FANCC: variants seen among roughly 807,000 people sequenced by gnomAD.
FANCC encodes FA complementation group C, also known as Fanconi anemia group C protein.
Under a neutral mutation model 71.3 loss-of-function variants are expected in FANCC, and 55 were observed. The ratio of observed to expected loss-of-function variants is 0.77; its 90% CI spans 0.62 to 0.97. The LOEUF is 0.97. FANCC is among the 50% of genes least tolerant of loss of function. The pLI is 0.00. For synonymous variants in FANCC, 275 were observed against 244.9 expected, an observed-to-expected ratio of 1.12 and a Z score of -1.15; for missense variants, 678 against 670.9, an observed-to-expected ratio of 1.01 and a Z score of -0.12.
chr9:95,166,003 CTCT>C (rs1287033233), intron 6 of FANCC, among the ~76,000 whole-genome samples: 2 of 152,020 alleles, frequency 1.3e-5, no homozygotes, highest in African/African-American at 4.8e-5. Flanking sequence ...TGAATTGACA[CTCT>C]TATTATTATA....
chr9:95,226,344 G>A (rs1352814044), intron 4 of FANCC, among the ~76,000 whole-genome samples: 1 of 152,148 alleles, frequency 6.6e-6, no homozygotes, highest in African/African-American at 2.4e-5. Context: ...ATAATAGACA[G>A]GGGGTGAAAA....
intron 10 of FANCC, among the ~76,000 whole-genome samples, chr9:95,121,682 A>G (rs1316353658): frequency 1.3e-5 from 2 of 152,208 alleles, no homozygotes; most frequent in African/African-American, 4.8e-5. Context: ...GGCAACGTCA[A>G]GAAGTCTCTG....
Position 95,249,310 on chromosome 9 carries a change from G to GTGATA in FANCC, c.-20_-19insTATCA. ...GAGCCATCTTGGAAAAAGCGAAAAG[G>GTGATA]TGATGTCCCTTCACAGCAGCCTGTC... On this transcript the variant is annotated 5_prime_UTR_variant, in exon 2 of 15. Coordinates refer to ENST00000289081, the MANE Select transcript of FANCC (RefSeq NM_000136.3). 1 of 1,613,534 alleles carries GTGATA rather than the reference G, an allele frequency of 6.2e-7. No individual in the cohort carries two copies. Among genetic ancestry groups the GTGATA allele is most frequent in the Non-Finnish European group, 8.5e-7 (1 of 1,179,752 alleles).
At chr9:95,313,436 G>A (rs545442148) in intron 1 of FANCC, among the ~76,000 whole-genome samples, 7 of 152,252 alleles carry the variant, frequency 4.6e-5, no homozygotes, top group Middle Eastern at 3.2e-3. Flanking sequence ...AACCTTCACC[G>A]GAGAAGTCAC....
chr9:95,187,203 G>A (rs544821573), intron 4 of FANCC, among the ~76,000 whole-genome samples: 9 of 152,292 alleles, frequency 5.9e-5, no homozygotes, highest in South Asian at 2.1e-4. Flanking sequence ...CGAGCGTTAC[G>A]CACTCCCAGC....
At chr9:95,189,583 A>G (rs1055763316) in intron 4 of FANCC, among the ~76,000 whole-genome samples, 4 of 152,220 alleles carry the variant, frequency 2.6e-5, no homozygotes, top group Non-Finnish European at 4.4e-5. Context: ...GCTTTAGAAA[A>G]TAAGCCTGAA....
intron 4 of FANCC, among the ~76,000 whole-genome samples, chr9:95,200,790 A>G (rs1430193091): frequency 6.6e-6 from 1 of 152,200 alleles, no homozygotes; most frequent in African/African-American, 2.4e-5. Flanking sequence ...TATGCATATA[A>G]CAAGCGGATG....
At chr9:95,149,794 T>C (rs1396232998) in intron 7 of FANCC, 129 bp downstream of exon 7, 16 of 1,090,454 alleles carry the variant, frequency 1.5e-5, no homozygotes, top group Admixed American at 1.0e-4. Context: ...ACTCAGTAAT[T>C]TTTAAGAGTA....
chr9:95,285,685 A>G (rs1209623694), intron 1 of FANCC, among the ~76,000 whole-genome samples: 2 of 152,130 alleles, frequency 1.3e-5, no homozygotes, highest in Non-Finnish European at 2.9e-5. Context: ...AAAAAAAAAA[A>G]TTCCCAGTAC....
At chr9:95,215,175 T>C (rs750301789) in intron 4 of FANCC, among the ~76,000 whole-genome samples, 5 of 152,226 alleles carry the variant, frequency 3.3e-5, no homozygotes, top group Admixed American at 2.6e-4. Context: ...CGGATACAGA[T>C]CACTGCTTCT....
intron 1 of FANCC, among the ~76,000 whole-genome samples, chr9:95,313,484 C>A (rs1835539905): frequency 6.6e-6 from 1 of 152,146 alleles, no homozygotes; most frequent in African/African-American, 2.4e-5. Context: ...TTTGTAATTT[C>A]AAATTTCCCT....
chr9:95,130,417 A>C (rs1826720212), intron 8 of FANCC, among the ~76,000 whole-genome samples: 1 of 152,226 alleles, frequency 6.6e-6, no homozygotes, highest in Admixed American at 6.5e-5. Flanking sequence ...CCCTTTTAGA[A>C]AAAATAAAAA....
chr9:95,239,993 G>A (rs1168938179), intron 4 of FANCC, among the ~76,000 whole-genome samples: 2 of 152,210 alleles, frequency 1.3e-5, no homozygotes, highest in African/African-American at 4.8e-5. Context: ...CAGCCAATGC[G>A]CTGCTGGTGA....
chr9:95,249,163 C>T lies in FANCC; in HGVS notation c.129G>A (p.Glu43=), dbSNP rs1246204881. 2 of 1,614,110 alleles carry T rather than the reference C, an allele frequency of 1.2e-6. No individual in the cohort carries two copies. Among genetic ancestry groups the T allele is most frequent in the Non-Finnish European group, 1.7e-6 (2 of 1,179,974 alleles). ...AGGCTTCATACATCTTCCTTAGGAA[C>T]TCCTGGAACTGAGCCACGTGAAGAC... is the stretch of plus-strand genomic sequence containing the variant. ...DTCLHVAQFQ[E]FLRKMYEALK... The change falls in exon 2 of 15, where the codon GAG becomes GAA. Residue 43 remains glutamate, a synonymous_variant. Coordinates refer to ENST00000289081, the MANE Select transcript of FANCC (RefSeq NM_000136.3).
At chr9:95,231,943 A>G (rs142918025) in intron 4 of FANCC, among the ~76,000 whole-genome samples, 1 of 152,330 alleles carries the variant, frequency 6.6e-6, no homozygotes, top group East Asian at 1.9e-4. Flanking sequence ...GCATTGCTAT[A>G]AAGAAATACC....
chr9:95,280,626 C>T (rs1476744289), intron 1 of FANCC, among the ~76,000 whole-genome samples: 1 of 152,190 alleles, frequency 6.6e-6, no homozygotes, highest in East Asian at 1.9e-4. Context: ...AAAGGAAATT[C>T]ACAAATGTGG....
intron 1 of FANCC, among the ~76,000 whole-genome samples, chr9:95,296,677 A>C (rs1834396988): frequency 6.6e-6 from 1 of 152,226 alleles, no homozygotes; most frequent in African/African-American, 2.4e-5. Context: ...TAGCCAAACA[A>C]ACACAGTCAT....
chr9:95,280,705 T>C (rs879410025), intron 1 of FANCC, among the ~76,000 whole-genome samples: 3 of 152,170 alleles, frequency 2.0e-5, no homozygotes, highest in Non-Finnish European at 4.4e-5. Flanking sequence ...GGGACAAAGA[T>C]AAGCTGCCAG....
intron 14 of FANCC, among the ~76,000 whole-genome samples, chr9:95,102,710 C>G (rs1588012004): frequency 6.6e-6 from 1 of 152,332 alleles, no homozygotes; most frequent in East Asian, 1.9e-4. Context: ...TTTACTGCCT[C>G]AGGTCCGACA....
Sources: gnomAD v4.1 joint callset for allele counts (sites outside exome capture counted in the v4.1 genomes callset) on GRCh38, gnomAD v4.1.1 for gene constraint, MANE v1.5 for transcripts, NCBI Gene and HGNC (gene_info 2026-07-23, HGNC 2026-07-21) for gene names.